Variants in CEP162 observed in about 807,000 individuals in gnomAD.
CEP162 encodes the protein centrosomal protein 162, also known as centrosomal protein of 162 kDa.
CEP162 carries 141 observed loss-of-function variants against 169.2 expected under a neutral mutation model. That is an observed-to-expected ratio of 0.83 (90% CI 0.73 to 0.96). The LOEUF (loss-of-function observed/expected upper bound fraction) is 0.96. Ranked by LOEUF, CEP162 falls within the 40% of genes least tolerant of loss-of-function variation. The pLI is 0.00. For missense variants in CEP162, 1,600 were observed against 1,587.2 expected, an observed-to-expected ratio of 1.01 and a Z score of -0.14; for synonymous variants, 540 against 526.4, an observed-to-expected ratio of 1.03 and a Z score of -0.35.
At chr6:84,202,689 C>T (rs868637580) in intron 7 of CEP162, among the ~76,000 whole-genome samples, 9 of 151,408 alleles carry the variant, frequency 5.9e-5, no homozygotes, top group African/African-American at 1.9e-4. Context: ...CAACCATGCC[C>T]GGCTAATTTT....
At chr6:84,183,346 C>G (rs1176831532) in intron 13 of CEP162, among the ~76,000 whole-genome samples, 2 of 152,112 alleles carry the variant, frequency 1.3e-5, no homozygotes, top group East Asian at 3.8e-4. Flanking sequence ...AGCATACTCA[C>G]AGGTGATCCT....
intron 10 of CEP162, among the ~76,000 whole-genome samples, chr6:84,194,540 G>A (rs1459451142): frequency 7.4e-5 from 11 of 149,286 alleles, no homozygotes; most frequent in Admixed American, 5.4e-4. Context: ...TGCAACCTTC[G>A]TCTCCCGTGT....
intron 9 of CEP162, among the ~76,000 whole-genome samples, chr6:84,197,092 A>G (rs1304193150): frequency 1.3e-5 from 2 of 152,134 alleles, no homozygotes; most frequent in African/African-American, 4.8e-5. Flanking sequence ...AGCATACATA[A>G]AAGAAATGAC....
chr6:84,157,306 G>GA (rs1212135469), intron 21 of CEP162, among the ~76,000 whole-genome samples: 1 of 152,128 alleles, frequency 6.6e-6, no homozygotes, highest in Non-Finnish European at 1.5e-5. Flanking sequence ...ATTATCTGAT[G>GA]AAAAAATCTT....
intron 22 of CEP162, among the ~76,000 whole-genome samples, chr6:84,154,740 T>C (rs1208131259): frequency 6.6e-6 from 1 of 152,194 alleles, no homozygotes; most frequent in African/African-American, 2.4e-5. Flanking sequence ...TCTATAACTG[T>C]TATTTGTCTA....
chr6:84,142,598 T>G lies in CEP162; in HGVS notation c.3870+4089A>C, dbSNP rs145599591. On this transcript the variant is annotated intron_variant, in intron 25 of 26. Transcript: ENST00000403245. ...CAAGTTCATGTGTCTCAGGTAAATCTGGGATATGATTAGTTTAACATTACT... is the reference window on the plus strand; with the variant it reads ...CAAGTTCATGTGTCTCAGGTAAATCGGGGATATGATTAGTTTAACATTACT... Among the ~76,000 whole-genome samples the G allele has an allele frequency of 8.2e-3, 1,255 of 152,304 alleles. 27 individuals carry two copies. Among genetic ancestry groups the G allele is most frequent in the African/African-American group, 0.028 (1,170 of 41,574 alleles).
chr6:84,222,967 T>A (rs540642040), intron 2 of CEP162, among the ~76,000 whole-genome samples: 1 of 152,226 alleles, frequency 6.6e-6, no homozygotes. Flanking sequence ...GCTGCATCAC[T>A]TTTTACTTAC....
chr6:84,146,755 T>A lies in CEP162; in HGVS notation c.3802A>T (p.Asn1268Tyr), dbSNP rs2099519058. ...VLIRHFQSQV[N>Y]ELQSKQESLV... ...GACTCTTGTTTACTCTGCAGCTCAT[T>A]AACTTGACTTTGGAAATGTCTTATA... is the stretch of plus-strand genomic sequence containing the variant. The change falls in exon 25 of 27, where the codon AAT (asparagine) becomes TAT (tyrosine). Residue 1268 changes from asparagine to tyrosine, a missense_variant. Transcript: ENST00000403245. 1 of 1,577,068 alleles carries A rather than the reference T, an allele frequency of 6.3e-7. No individual in the cohort carries two copies. Among genetic ancestry groups the A allele is most frequent in the Non-Finnish European group, 8.6e-7 (1 of 1,159,262 alleles).
rs2099555698 is a variant in CEP162 at position 84,226,255 on chromosome 6, C to G, written c.57+82G>C. The G allele has an allele frequency of 2.9e-5, 27 of 924,494 alleles. No homozygotes were observed. In the South Asian group the frequency reaches 3.8e-4, roughly 13 times the overall value. The allele number at this position is 924,494 out of a possible 1,614,324, so 57.3% of individuals were successfully genotyped here. A position where few individuals can be genotyped will look rare whatever the true frequency, so the allele number is the denominator to read the frequency against. On this transcript the variant is annotated intron_variant, in intron 2 of 26. Coordinates refer to ENST00000403245, the MANE Select transcript of CEP162 (RefSeq NM_014895.4). ...AATTCAGAGTTTGGTGATGGACTAA[C>G]TGTATCTTCGAGATGACAGAATTGA... is the stretch of plus-strand genomic sequence containing the variant.
At chr6:84,153,845 T>C (rs530581154) in intron 22 of CEP162, among the ~76,000 whole-genome samples, 6 of 152,242 alleles carry the variant, frequency 3.9e-5, no homozygotes, top group Non-Finnish European at 5.9e-5. Flanking sequence ...GAGAGCAACA[T>C]GGCAGCAGCT....
At chr6:84,227,518 G>A (rs2127762915) in intron 1 of CEP162, 62 bp downstream of exon 1, 1 of 152,346 alleles carries the variant, frequency 6.6e-6, no homozygotes, top group South Asian at 2.1e-4. Flanking sequence ...GCTCGAGTAT[G>A]AAGCACGGCC....
chr6:84,186,702 T>G, intron 11 of CEP162, 79 bp from the exon 12 acceptor site: 1 of 1,116,090 alleles, frequency 9.0e-7, no homozygotes. Context: ...CGTGTGTGTG[T>G]ACACGCAGAC....
In CEP162 at chr6:84,174,974, C is replaced by T; in HGVS notation, c.1798-20G>A. Reference sequence around the variant, plus strand: ...GGAATCCTTTCAAGACAAAGCATTACTTCATTACAGTAGACTTATGTATAA... The same window carrying T: ...GGAATCCTTTCAAGACAAAGCATTATTTCATTACAGTAGACTTATGTATAA... On this transcript the variant is annotated intron_variant, in intron 14 of 26. Transcript: ENST00000403245. The T allele has an allele frequency of 6.8e-7, 1 of 1,470,890 alleles. No individual in the cohort carries two copies. The highest frequency in any genetic ancestry group is 1.4e-5 in the African/African-American group (1 of 71,820). 91.1% of individuals were successfully genotyped at this position (1,470,890 alleles called of 1,614,324 possible). A position where few individuals can be genotyped will look rare whatever the true frequency, so the allele number is the denominator to read the frequency against.
chr6:84,167,714 A>C (rs566440262), intron 18 of CEP162, among the ~76,000 whole-genome samples: 27 of 152,326 alleles, frequency 1.8e-4, no homozygotes, highest in African/African-American at 6.5e-4. Flanking sequence ...GTCAATTCAA[A>C]TACTAAACAC....
intron 25 of CEP162, 81 bp from the exon 26 acceptor site, chr6:84,126,593 T>C (rs2099509025): frequency 1.9e-6 from 2 of 1,080,948 alleles, no homozygotes; most frequent in African/African-American, 1.6e-5. Context: ...AATATTTGTA[T>C]AAAATTTCTC....
At position 84,152,666 on chromosome 6, in the gene CEP162, A is replaced by T; in HGVS notation, c.3508T>A (p.Ser1170Thr). 6.2e-7 allele frequency: 1 copy of T among 1,611,180 alleles called. No homozygotes were observed. The highest frequency in any genetic ancestry group is 8.5e-7 in the Non-Finnish European group (1 of 1,178,628). The change falls in exon 23 of 27, where the codon TCA becomes ACA. Residue 1170 changes from serine to threonine, a missense_variant. Physicochemically the swap from Ser to Thr is moderately conservative, Grantham distance 58. Transcript: ENST00000403245. ...CTGTAGTTTTCTTGTAAAACTTCTG[A>T]AACATGGGAATCAGTGAAAGTATGT... is the stretch of plus-strand genomic sequence containing the variant. ...QPHTFTDSHVSEVLQENYRLK... is the reference protein window; with the variant it reads ...QPHTFTDSHVTEVLQENYRLK...
chr6:84,202,518 C>CTTTTTTTTTTTTTTTTTTTTTTTTTTT (rs70987776), intron 7 of CEP162, among the ~76,000 whole-genome samples: 1 of 90,746 alleles, frequency 1.1e-5, no homozygotes, highest in Non-Finnish European at 2.0e-5. Flanking sequence ...TTCTTTCTTT[C>CTTTTTTTTTTTTTTTTTTTTTTTTTTT]TTTTTTTTTT....
intron 6 of CEP162, among the ~76,000 whole-genome samples, chr6:84,212,679 T>G (rs962541680): frequency 6.6e-6 from 1 of 152,058 alleles, no homozygotes; most frequent in Non-Finnish European, 1.5e-5. Flanking sequence ...ATAAATACAC[T>G]GCTGTAAAGG....
chr6:84,152,098 T>C (rs1198617783), intron 23 of CEP162, among the ~76,000 whole-genome samples: 1 of 152,188 alleles, frequency 6.6e-6, no homozygotes, highest in Non-Finnish European at 1.5e-5. Flanking sequence ...AAGGCATGAA[T>C]GGATGTGATC....
Sources: allele counts gnomAD v4.1 joint callset (sites outside exome capture counted in the v4.1 genomes callset), GRCh38; gene constraint gnomAD v4.1.1; transcripts MANE v1.5; gene names NCBI Gene and HGNC (gene_info 2026-07-23, HGNC 2026-07-21).